Variants in SNX30 observed in about 807,000 individuals in gnomAD.
SNX30 encodes the protein sorting nexin family member 30, also known as sorting nexin-30.
A neutral mutation model predicts 46.4 loss-of-function variants in SNX30; 24 were observed. The observed-to-expected ratio is 0.52, with a 90% CI of 0.37 to 0.73. The LOEUF is 0.73. Among genes scored for constraint, SNX30 ranks in the 30% least tolerant of loss-of-function variants. SNX30 has a pLI of 0.00. For synonymous variants in SNX30, 189 were observed against 211.5 expected, an observed-to-expected ratio of 0.89 and a Z score of 0.92; for missense variants, 533 against 555.7, an observed-to-expected ratio of 0.96 and a Z score of 0.41.
At chr9:112,851,079 T>A in intron 7 of SNX30, 134 bp downstream of exon 7, 1 of 559,676 alleles carries the variant, frequency 1.8e-6, no homozygotes, top group East Asian at 2.9e-5. Context: ...TTGTCCTTTT[T>A]CACTCCCTTT....
chr9:112,769,554 C>T (rs1839611437), intron 1 of SNX30, among the ~76,000 whole-genome samples: 1 of 152,240 alleles, frequency 6.6e-6, no homozygotes, highest in Non-Finnish European at 1.5e-5. Flanking sequence ...TGAATCTTCA[C>T]TTGGCTTCTG....
In SNX30 at chr9:112,864,278, G is replaced by A. The variant is rs191599058; in HGVS notation, c.1133G>A (p.Arg378Gln). Residue 378 changes from arginine to glutamine, a missense_variant, in exon 8 of 9, where the codon CGG becomes CAG. By Grantham distance (43) the Arg-to-Gln change is conservative (BLOSUM62 1). Transcript: ENST00000374232. The stretch of plus-strand genomic sequence containing the variant: ...GCGGACGTCGAGAAATGTCAGGATC[G>A]GATGGAGTGTTTCAATGCTGACCTG... The part of the protein sequence containing the change: ...VPADVEKCQD[R>Q]MECFNADLKA... 2.5e-5 allele frequency: 41 copies of A among 1,614,136 alleles called. No homozygotes were observed. The highest frequency in any genetic ancestry group is 1.9e-4 in the South Asian group (17 of 91,076).
At chr9:112,834,911 G>C (rs1476571431) in intron 4 of SNX30, among the ~76,000 whole-genome samples, 1 of 149,196 alleles carries the variant, frequency 6.7e-6, no homozygotes, top group Admixed American at 6.6e-5. Context: ...GCTGGATCAA[G>C]AGCAAAAATG....
At position 112,880,896 on chromosome 9, in the gene SNX30, T is replaced by A. The variant is rs1588148417; in HGVS notation, n.3824+424T>A. Among the ~76,000 whole-genome samples the A allele has an allele frequency of 2.6e-5, 4 of 152,324 alleles. No individual in the cohort carries two copies. The East Asian group carries it at 5.8e-4, about 22-fold the overall frequency. On this transcript the variant is annotated intron_variant and non_coding_transcript_variant, in intron 5 of 5. Coordinates refer to the SNX30 transcript ENST00000604751. ...TCCAGGTTCATTCCAGTCTTGCAAG[T>A]ACTGAACTTCTCCATTTCCCATAAC... is the stretch of plus-strand genomic sequence containing the variant.
chr9:112,850,248 G>A (rs1049661791), intron 6 of SNX30, among the ~76,000 whole-genome samples: 7 of 152,214 alleles, frequency 4.6e-5, no homozygotes, highest in African/African-American at 1.2e-4. Context: ...GACTTGCACA[G>A]GTATAGCCCC....
rs972980320 is a variant in SNX30 at position 112,762,576 on chromosome 9, C to T, written c.156+11419C>T. Among the ~76,000 whole-genome samples the T allele has an allele frequency of 8.2e-4, 124 of 151,212 alleles. 2 individuals are homozygous for T. The highest frequency in any genetic ancestry group is 1.3e-4 in the Non-Finnish European group (9 of 68,026). On this transcript the variant is annotated intron_variant, in intron 1 of 8. Transcript: ENST00000374232. ...TTAACCTTGTAATGCCTCTGTTTCC[C>T]CTATCTAAAATTGGGATTATCTTAC...
intron 1 of SNX30, among the ~76,000 whole-genome samples, chr9:112,796,846 C>T (rs758688484): frequency 6.6e-6 from 1 of 152,122 alleles, no homozygotes; most frequent in Non-Finnish European, 1.5e-5. Context: ...CCGTCATCAG[C>T]TAGAGCTCAT....
chr9:112,760,965 A>G (rs1157509925), intron 1 of SNX30, among the ~76,000 whole-genome samples: 1 of 152,136 alleles, frequency 6.6e-6, no homozygotes, highest in African/African-American at 2.4e-5. Context: ...GAGACAGGAA[A>G]GACCTGTGGC....
At chr9:112,807,519 A>G (rs1336100579) in intron 2 of SNX30, among the ~76,000 whole-genome samples, 2 of 152,206 alleles carry the variant, frequency 1.3e-5, no homozygotes, top group African/African-American at 4.8e-5. Context: ...GAGGACCTAG[A>G]TTAATATACA....
At chr9:112,866,405 G>A in intron 8 of SNX30, 1 of 470,096 alleles carries the variant, frequency 2.1e-6, no homozygotes, top group East Asian at 6.9e-5. Flanking sequence ...AAAGTCCCTG[G>A]GGCAGGAAAG....
rs571153275 is a variant in SNX30 at position 112,866,714 on chromosome 9, C to T, written c.1255-2070C>T. Reference sequence around the variant, plus strand: ...AACTTCTCCCACCTCCTGGGAATTCCTCCCACCTCCTCAGAACTCCTCCCA... The same window carrying T: ...AACTTCTCCCACCTCCTGGGAATTCTTCCCACCTCCTCAGAACTCCTCCCA... On this transcript the variant is annotated intron_variant, in intron 8 of 8. Coordinates refer to ENST00000374232, the MANE Select transcript of SNX30 (RefSeq NM_001012994.2). Among the ~76,000 whole-genome samples, 15 of 151,726 alleles carry T rather than the reference C, an allele frequency of 9.9e-5. No homozygotes were observed. In the South Asian group the frequency reaches 3.1e-3, roughly 32 times the overall value.
At chr9:112,807,052 C>CTTTTTTTTTTTTTTTTTTTTT (rs10554051) in intron 2 of SNX30, among the ~76,000 whole-genome samples, 1 of 63,030 alleles carries the variant, frequency 1.6e-5, no homozygotes, top group Non-Finnish European at 2.6e-5. Flanking sequence ...TCTTTTCTAT[C>CTTTTTTTTTTTTTTTTTTTTT]TTTTTTTTTT....
At chr9:112,847,814 G>T (rs150699183) in intron 6 of SNX30, among the ~76,000 whole-genome samples, 3 of 152,086 alleles carry the variant, frequency 2.0e-5, no homozygotes, top group Non-Finnish European at 4.4e-5. Context: ...TGAGTGTGAG[G>T]CCCTCCTTGG....
chr9:112,804,930 C>T lies in SNX30; in HGVS notation c.311C>T (p.Thr104Ile). ...GATGATCCCAAGAAGCATGTGTGTA[C>T]AATGGAGACTTACATCACCTATAGG... ...IVDDPKKHVC[T>I]METYITYRIT... is the part of the protein sequence containing the mutation. The change falls in exon 2 of 9, where the codon ACA (threonine) becomes ATA (isoleucine). Residue 104 changes from threonine to isoleucine, a missense_variant. By Grantham distance (89) the Thr-to-Ile change is moderately conservative. This residue lies in a region of SNX30 where 191 missense variants were observed against 160.3 expected (regional missense o/e 1.19). Coordinates refer to ENST00000374232, the MANE Select transcript of SNX30 (RefSeq NM_001012994.2). The T allele has an allele frequency of 1.2e-6, 2 of 1,612,562 alleles. No homozygotes were observed. Among genetic ancestry groups the T allele is most frequent in the Non-Finnish European group, 1.7e-6 (2 of 1,179,118 alleles).
At chr9:112,807,052 C>CTTTTTTTTTTTTTTT (rs10554051) in intron 2 of SNX30, among the ~76,000 whole-genome samples, 2 of 63,006 alleles carry the variant, frequency 3.2e-5, no homozygotes, top group African/African-American at 7.0e-5. Context: ...TCTTTTCTAT[C>CTTTTTTTTTTTTTTT]TTTTTTTTTT....
chr9:112,816,812 C>T (rs988469272), intron 2 of SNX30, among the ~76,000 whole-genome samples: 23 of 151,968 alleles, frequency 1.5e-4, no homozygotes, highest in African/African-American at 5.6e-4. Flanking sequence ...CCATGACAGT[C>T]ATATAGTGTG....
At chr9:112,848,618 G>A (rs1840975988) in intron 6 of SNX30, among the ~76,000 whole-genome samples, 1 of 152,202 alleles carries the variant, frequency 6.6e-6, no homozygotes, top group Admixed American at 6.5e-5. Context: ...AGGGTTGCTG[G>A]GAGCCTTTTG....
intron 1 of SNX30, among the ~76,000 whole-genome samples, chr9:112,782,302 G>A (rs985581255): frequency 6.6e-6 from 1 of 152,194 alleles, no homozygotes; most frequent in African/African-American, 2.4e-5. Context: ...CTGACCTCAG[G>A]TGGTCCGCCT....
chr9:112,787,525 G>A (rs1429039140), intron 1 of SNX30, among the ~76,000 whole-genome samples: 5 of 152,134 alleles, frequency 3.3e-5, no homozygotes, highest in Non-Finnish European at 7.4e-5. Flanking sequence ...AGGTCGAAAT[G>A]TATTTCTGTT....
Sources: allele counts gnomAD v4.1 joint callset (sites outside exome capture counted in the v4.1 genomes callset), GRCh38; gene constraint gnomAD v4.1.1; regional missense constraint gnomAD v4.1.1; transcripts MANE v1.5; gene names NCBI Gene and HGNC (gene_info 2026-07-23, HGNC 2026-07-21).